Variants in KLRG2 observed in about 807,000 individuals in gnomAD.
The protein encoded by KLRG2 is killer cell lectin like receptor G2.
In KLRG2, 39 loss-of-function variants were observed where a neutral mutation model predicts 35.4. The ratio of observed to expected loss-of-function variants is 1.10; its 90% CI spans 0.85 to 1.44. The LOEUF is 1.44. Ranked by LOEUF, KLRG2 falls within the 40% of genes most tolerant of loss-of-function variation. KLRG2 has a pLI of 0.00. For missense variants in KLRG2, 632 were observed against 570.9 expected, an observed-to-expected ratio of 1.11 and a Z score of -1.09; for synonymous variants, 283 against 265.8, an observed-to-expected ratio of 1.06 and a Z score of -0.63.
chr7:139,483,661 C>G lies in KLRG2; in HGVS notation c.-19G>C, dbSNP rs563510268. The G allele has an allele frequency of 4.6e-5, 68 of 1,478,010 alleles. No homozygotes were observed. In the South Asian group the frequency reaches 8.4e-4, roughly 18 times the overall value. 91.6% of individuals were successfully genotyped at this position (1,478,010 alleles called of 1,614,324 possible). On this transcript the variant is annotated 5_prime_UTR_variant, in exon 1 of 5. Transcript: ENST00000340940. ...CCTCCATCCCGCGCGCCCCGCCACC[C>G]GGAGACGCTGAGGAGCGCACCTGGG...
At chr7:139,480,050 G>T in intron 2 of KLRG2, 96 bp downstream of exon 2, 1 of 904,842 alleles carries the variant, frequency 1.1e-6, no homozygotes, top group Non-Finnish European at 1.8e-6. Flanking sequence ...ATCTCCCAGT[G>T]TCTCTTTCTA....
chr7:139,430,993 C>T, the KLRG2 span, among the ~76,000 whole-genome samples: 5 of 133,754 alleles, frequency 3.7e-5, no homozygotes, highest in East Asian at 1.0e-3. Flanking sequence ...GCCTGGGTGA[C>T]AGAGTGAGAC....
chr7:139,453,432 G>A lies in KLRG2; in HGVS notation c.*155C>T, dbSNP rs772881991. On this transcript the variant is annotated 3_prime_UTR_variant, in exon 5 of 5. Transcript: ENST00000340940. Reference sequence around the variant, plus strand: ...CTCGGATGCATCTTCCTGGGTTGAAGTCCAGCTCCTAGGCTCGCTCATGTG... The same window carrying A: ...CTCGGATGCATCTTCCTGGGTTGAAATCCAGCTCCTAGGCTCGCTCATGTG... The A allele has an allele frequency of 6.9e-6, 5 of 726,040 alleles. No individual in the cohort carries two copies. In the African/African-American group the frequency reaches 9.0e-5, roughly 13 times the overall value. 45.0% of individuals were successfully genotyped at this position (726,040 alleles called of 1,614,324 possible). A position where few individuals can be genotyped will look rare whatever the true frequency, so the allele number is the denominator to read the frequency against.
downstream of KLRG2, among the ~76,000 whole-genome samples, chr7:139,449,846 CCCA>C (rs1380001353): frequency 6.6e-6 from 1 of 150,982 alleles, no homozygotes; most frequent in African/African-American, 2.4e-5. Flanking sequence ...ACTACAGGCG[CCCA>C]CCACCACGCT....
rs370420517 is a variant in KLRG2 at position 139,454,137 on chromosome 7, G to T, written c.1083C>A (p.Ile361=). 8 of 1,545,708 alleles carry T rather than the reference G, an allele frequency of 5.2e-6. No homozygotes were observed. The highest frequency in any genetic ancestry group is 7.0e-6 in the Non-Finnish European group (8 of 1,142,810). The change falls in exon 4 of 5, where the codon ATC becomes ATA. Residue 361 remains isoleucine, a synonymous_variant. Coordinates refer to ENST00000340940, the MANE Select transcript of KLRG2 (RefSeq NM_198508.4). ...GCTGGGGCGGGAGTGGGGCCTCGTC[G>T]ATCCAGTGCCAGCCCTGGGGGCCTC... The part of the protein sequence containing the change: ...AWRGPQGWHW[I]DEAPLPPQLL...
intron 3 of KLRG2, among the ~76,000 whole-genome samples, chr7:139,468,646 G>GT (rs1400244060): frequency 6.6e-6 from 1 of 152,194 alleles, no homozygotes; most frequent in Non-Finnish European, 1.5e-5. Flanking sequence ...TCACACGGAC[G>GT]TGAGTGAAAA....
chr7:139,463,601 C>T (rs575055464), intron 3 of KLRG2, among the ~76,000 whole-genome samples: 14 of 152,176 alleles, frequency 9.2e-5, no homozygotes, highest in Non-Finnish European at 1.5e-4. Context: ...AAGGAATGCC[C>T]GCAGCCCAGG....
In KLRG2 at chr7:139,483,355, C is replaced by A. The variant is rs759855797; in HGVS notation, c.288G>T (p.Pro96=). The stretch of plus-strand genomic sequence containing the variant: ...GGGGCAGCTTGACCAAGGCAGGGCC[C>A]GGTGACGGCGGCTCGGGGCAGACCC... ...GYGVCPEPPS[P]GPALVKLPRN... is the part of the protein sequence containing the mutation. Residue 96 remains proline (P), a synonymous_variant, in exon 1 of 5, where the codon CCG becomes CCT. Coordinates refer to ENST00000340940, the MANE Select transcript of KLRG2 (RefSeq NM_198508.4). 1.3e-6 allele frequency: 2 copies of A among 1,540,836 alleles called. No homozygotes were observed. Among genetic ancestry groups the A allele is most frequent in the Admixed American group, 3.9e-5 (2 of 51,460 alleles).
At chr7:139,473,778 G>A (rs1039585505) in intron 3 of KLRG2, among the ~76,000 whole-genome samples, 2 of 152,002 alleles carry the variant, frequency 1.3e-5, no homozygotes, top group South Asian at 2.1e-4. Flanking sequence ...GTTCAAGACC[G>A]AAAAGATGGC....
rs1796398313 is a variant in KLRG2 at position 139,453,063 on chromosome 7, C to G, written c.*524G>C. On this transcript the variant is annotated 3_prime_UTR_variant, in exon 5 of 5. Coordinates refer to ENST00000340940, the MANE Select transcript of KLRG2 (RefSeq NM_198508.4). Reference sequence around the variant, plus strand: ...TGCTCTCCCCTCTTTCCAGGGCTGACCGCTCCTTTTCCTTGGTTAATTTTC... The same window carrying G: ...TGCTCTCCCCTCTTTCCAGGGCTGAGCGCTCCTTTTCCTTGGTTAATTTTC... 6.2e-6 allele frequency: 1 copy of G among 160,814 alleles called. No homozygotes were observed. The highest frequency in any genetic ancestry group is 2.4e-5 in the African/African-American group (1 of 41,672). 10.0% of individuals were successfully genotyped at this position (160,814 alleles called of 1,614,324 possible). A position where few individuals can be genotyped will look rare whatever the true frequency, so the allele number is the denominator to read the frequency against.
At chr7:139,480,362 C>A in intron 1 of KLRG2, 115 bp from the exon 2 acceptor site, 1 of 633,660 alleles carries the variant, frequency 1.6e-6, no homozygotes. Context: ...AGCACCCACC[C>A]CCTCAGCCTG....
At chr7:139,477,904 G>A (rs1184418762) in intron 3 of KLRG2, among the ~76,000 whole-genome samples, 2 of 151,838 alleles carry the variant, frequency 1.3e-5, no homozygotes, top group Non-Finnish European at 2.9e-5. Flanking sequence ...GACTACAGGC[G>A]CCCGCCACCG....
At chr7:139,467,085 CCCCACAATATCG>C (rs1796672554) in intron 3 of KLRG2, among the ~76,000 whole-genome samples, 6 of 151,956 alleles carry the variant, frequency 3.9e-5, no homozygotes, top group Admixed American at 3.9e-4. Context: ...CTTTTAACAA[CCCCACAATATCG>C]CCCCTTACCA....
intron 3 of KLRG2, among the ~76,000 whole-genome samples, chr7:139,465,282 T>C (rs1408599229): frequency 1.3e-5 from 2 of 152,214 alleles, no homozygotes; most frequent in Non-Finnish European, 2.9e-5. Flanking sequence ...ATGCCTTCCA[T>C]ATCCTGCACC....
At chr7:139,459,175 T>A (rs2116436016) in intron 3 of KLRG2, among the ~76,000 whole-genome samples, 1 of 152,348 alleles carries the variant, frequency 6.6e-6, no homozygotes, top group South Asian at 2.1e-4. Context: ...CAGGTTCTGT[T>A]TCCAATTTGG....
chr7:139,441,697 AG>A, the KLRG2 span, among the ~76,000 whole-genome samples: 3 of 152,178 alleles, frequency 2.0e-5, no homozygotes, highest in Admixed American at 2.0e-4. Context: ...CCTTGAGCCC[AG>A]GGAGGTAGAG....
At chr7:139,439,786 G>A in the KLRG2 span, among the ~76,000 whole-genome samples, 1 of 152,140 alleles carries the variant, frequency 6.6e-6, no homozygotes, top group Non-Finnish European at 1.5e-5. Flanking sequence ...TGGTTTCCCA[G>A]GACTATCGTA....
chr7:139,458,039 A>C (rs1796506365), intron 3 of KLRG2, among the ~76,000 whole-genome samples: 1 of 152,190 alleles, frequency 6.6e-6, no homozygotes, highest in East Asian at 1.9e-4. Flanking sequence ...AATTATAGAA[A>C]ATTGTTTCCT....
In KLRG2 at chr7:139,453,717, G is replaced by T; in HGVS notation, c.1110-10C>A. 1.2e-6 allele frequency: 2 copies of T among 1,613,924 alleles called. No individual in the cohort carries two copies. Among genetic ancestry groups the T allele is most frequent in the Non-Finnish European group, 8.5e-7 (1 of 1,179,938 alleles). The stretch of plus-strand genomic sequence containing the variant: ...GCCGTCCTCAGGGAGTCTGGGAAAG[G>T]ATGGGAGGGGAAAGAGGAGAGGTGT... On this transcript the variant is annotated splice_polypyrimidine_tract_variant and intron_variant, in intron 4 of 4. Coordinates refer to ENST00000340940, the MANE Select transcript of KLRG2 (RefSeq NM_198508.4).
Sources: gnomAD v4.1 joint callset for allele counts (sites outside exome capture counted in the v4.1 genomes callset) on GRCh38, gnomAD v4.1.1 for gene constraint, MANE v1.5 for transcripts, NCBI Gene and HGNC (gene_info 2026-07-23, HGNC 2026-07-21) for gene names.